The following ZNF804B variants were observed in gnomAD, a reference collection of about 807,000 sequenced individuals.
The protein encoded by ZNF804B is zinc finger protein 804B, also known as zinc finger 804B.
A neutral mutation model predicts 101.4 loss-of-function variants in ZNF804B; 80 were observed. The ratio of observed to expected loss-of-function variants is 0.79; its 90% CI spans 0.66 to 0.95. ZNF804B has a LOEUF of 0.95. Ranked by LOEUF, ZNF804B falls within the 40% of genes least tolerant of loss-of-function variation. The pLI is 0.00. For missense variants in ZNF804B, 1,673 were observed against 1,561.9 expected (o/e 1.07, Z -1.20); for synonymous variants, 622 against 558.8 (o/e 1.11, Z -1.59).
At chr7:88,897,694 G>A (rs1464452587) in intron 1 of ZNF804B, among the ~76,000 whole-genome samples, 1 of 152,064 alleles carries the variant, frequency 6.6e-6, no homozygotes, top group Non-Finnish European at 1.5e-5. Flanking sequence ...CTTCTCTGTT[G>A]AGTGGCAAAG....
intron 1 of ZNF804B, among the ~76,000 whole-genome samples, chr7:89,067,288 T>A (rs1481273528): frequency 1.3e-5 from 2 of 152,192 alleles, no homozygotes; most frequent in Non-Finnish European, 2.9e-5. Context: ...GACCGAGTTG[T>A]TGATTGGAAT....
At chr7:88,812,629 ATGAAT>A (rs756497141) in intron 1 of ZNF804B, among the ~76,000 whole-genome samples, 143 of 152,324 alleles carry the variant, frequency 9.4e-4, no homozygotes, top group East Asian at 1.5e-3. Flanking sequence ...ACACTGATGA[ATGAAT>A]TGATTTAAAA....
intron 1 of ZNF804B, among the ~76,000 whole-genome samples, chr7:89,020,136 A>G (rs541893742): frequency 3.3e-5 from 5 of 152,220 alleles, no homozygotes; most frequent in Admixed American, 2.0e-4. Context: ...TTTTTTGTAC[A>G]TAAGCAATAT....
chr7:88,856,244 A>G (rs1304293542), intron 1 of ZNF804B, among the ~76,000 whole-genome samples: 3 of 152,066 alleles, frequency 2.0e-5, no homozygotes, highest in Admixed American at 6.6e-5. Flanking sequence ...ACGAGCATGG[A>G]ATGTTCTTCC....
intron 1 of ZNF804B, among the ~76,000 whole-genome samples, chr7:89,171,822 G>A (rs747643733): frequency 2.6e-5 from 4 of 152,060 alleles, no homozygotes; most frequent in Non-Finnish European, 4.4e-5. Flanking sequence ...AATGTGATCC[G>A]AGCCTGGATC....
At chr7:89,327,678 C>G (rs1387507883) in intron 3 of ZNF804B, among the ~76,000 whole-genome samples, 2 of 151,928 alleles carry the variant, frequency 1.3e-5, no homozygotes, top group Non-Finnish European at 2.9e-5. Flanking sequence ...TTAATGTACT[C>G]TATAATGAAA....
intron 1 of ZNF804B, among the ~76,000 whole-genome samples, chr7:88,839,914 T>C (rs1452340232): frequency 1.3e-5 from 2 of 152,150 alleles, no homozygotes; most frequent in Non-Finnish European, 2.9e-5. Flanking sequence ...TCTCACCTCC[T>C]ATTAACTGGG....
Position 89,327,361 on chromosome 7 carries a change from G to C in ZNF804B, c.267G>C (p.Lys89Asn). Reference sequence around the variant, plus strand: ...TTTTCAAGAGACTGAAAGAATTAAAGCAACGGGAATTTGCTCGAAATGTAG... The same window carrying C: ...TTTTCAAGAGACTGAAAGAATTAAACCAACGGGAATTTGCTCGAAATGTAG... ...HAHKQRLKEL[K>N]QREFARNVAS... Residue 89 changes from lysine (K) to asparagine (N), a missense_variant, in exon 3 of 4, where the codon AAG (lysine) becomes AAC (asparagine). Physicochemically the swap from Lys to Asn is moderately conservative, Grantham distance 94 (BLOSUM62 0). Transcript: ENST00000333190. The C allele has an allele frequency of 6.2e-7, 1 of 1,605,106 alleles. No individual in the cohort carries two copies. Among genetic ancestry groups the C allele is most frequent in the Non-Finnish European group, 8.5e-7 (1 of 1,176,694 alleles).
chr7:89,045,724 A>G (rs1789094066), intron 1 of ZNF804B, among the ~76,000 whole-genome samples: 1 of 152,170 alleles, frequency 6.6e-6, no homozygotes, highest in Non-Finnish European at 1.5e-5. Context: ...TATTTACCCA[A>G]TCCCTGTACC....
At chr7:89,080,663 T>A (rs1421830754) in intron 1 of ZNF804B, among the ~76,000 whole-genome samples, 2 of 151,812 alleles carry the variant, frequency 1.3e-5, no homozygotes, top group African/African-American at 4.8e-5. Context: ...TGAGGAAGAG[T>A]CCCTTTCACT....
intron 1 of ZNF804B, among the ~76,000 whole-genome samples, chr7:89,165,354 C>CT (rs1263947801): frequency 2.0e-5 from 3 of 151,930 alleles, no homozygotes; most frequent in African/African-American, 7.2e-5. Flanking sequence ...CAAAGAATGA[C>CT]TTCAGAAGGT....
chr7:88,798,572 T>A (rs1044060481), intron 1 of ZNF804B, among the ~76,000 whole-genome samples: 2 of 152,114 alleles, frequency 1.3e-5, no homozygotes, highest in African/African-American at 4.8e-5. Context: ...TTCAAATTAT[T>A]TTTTTGCTAT....
At chr7:88,898,671 A>C (rs118164810) in intron 1 of ZNF804B, among the ~76,000 whole-genome samples, 1 of 152,046 alleles carries the variant, frequency 6.6e-6, no homozygotes, top group African/African-American at 2.4e-5. Flanking sequence ...CTTCCCCTTG[A>C]TATTGTCGAA....
intron 1 of ZNF804B, among the ~76,000 whole-genome samples, chr7:89,166,907 A>C (rs1419559368): frequency 6.6e-6 from 1 of 152,184 alleles, no homozygotes; most frequent in East Asian, 1.9e-4. Flanking sequence ...GTTATGAATT[A>C]ATACTGCATC....
chr7:89,011,215 A>G (rs968725458), intron 1 of ZNF804B, among the ~76,000 whole-genome samples: 1 of 152,140 alleles, frequency 6.6e-6, no homozygotes, highest in Non-Finnish European at 1.5e-5. Flanking sequence ...TTATCATGCT[A>G]ACAGCATGGG....
At chr7:89,330,979 AATT>A (rs1372705565) in intron 3 of ZNF804B, among the ~76,000 whole-genome samples, 2 of 150,904 alleles carry the variant, frequency 1.3e-5, no homozygotes, top group African/African-American at 2.4e-5. Context: ...TAATCAGCAA[AATT>A]ATTATTAAGA....
intron 1 of ZNF804B, among the ~76,000 whole-genome samples, chr7:89,088,268 A>G (rs563119147): frequency 6.6e-6 from 1 of 152,222 alleles, no homozygotes; most frequent in South Asian, 2.1e-4. Context: ...TGACCCTCAG[A>G]TAAACACTAA....
intron 2 of ZNF804B, among the ~76,000 whole-genome samples, chr7:89,282,720 A>G (rs953541097): frequency 1.3e-5 from 2 of 152,166 alleles, no homozygotes; most frequent in Admixed American, 1.3e-4. Context: ...TAAGAGGCAG[A>G]GGGATATTTG....
intron 1 of ZNF804B, among the ~76,000 whole-genome samples, chr7:89,194,088 T>C (rs1408322622): frequency 1.3e-5 from 2 of 152,126 alleles, no homozygotes; most frequent in African/African-American, 4.8e-5. Context: ...TTTTCATATG[T>C]TTTTTGGCTG....
Sources: allele counts gnomAD v4.1 joint callset (sites outside exome capture counted in the v4.1 genomes callset), GRCh38; gene constraint gnomAD v4.1.1; transcripts MANE v1.5; gene names NCBI Gene and HGNC (gene_info 2026-07-23, HGNC 2026-07-21).